The following KCNU1 variants were observed in gnomAD, a reference collection of about 807,000 sequenced individuals.
KCNU1 encodes the protein potassium calcium-activated channel subfamily U member 1.
Under a neutral mutation model 126.8 loss-of-function variants are expected in KCNU1, and 93 were observed. The ratio of observed to expected loss-of-function variants is 0.73; its 90% CI spans 0.62 to 0.87. The LOEUF (loss-of-function observed/expected upper bound fraction) is 0.87. KCNU1 is among the 40% of genes least tolerant of loss of function. The pLI is 0.00. For synonymous variants in KCNU1, 523 were observed against 494.2 expected, an observed-to-expected ratio of 1.06 and a Z score of -0.77; for missense variants, 1,330 against 1,367.1, an observed-to-expected ratio of 0.97 and a Z score of 0.43.
chr8:36,910,131 C>T (rs749714707), intron 21 of KCNU1, among the ~76,000 whole-genome samples: 4 of 152,108 alleles, frequency 2.6e-5, no homozygotes, highest in Non-Finnish European at 5.9e-5. Context: ...ATTATGTACA[C>T]TGTGAAATGC....
intron 19 of KCNU1, among the ~76,000 whole-genome samples, chr8:36,872,683 A>G (rs929963226): frequency 6.6e-6 from 1 of 152,224 alleles, no homozygotes; most frequent in Admixed American, 6.5e-5. Flanking sequence ...AAGAGTCAGG[A>G]GTTTCCCATA....
At chr8:36,803,415 C>A (rs1195773304) in intron 2 of KCNU1, among the ~76,000 whole-genome samples, 1 of 152,066 alleles carries the variant, frequency 6.6e-6, no homozygotes, top group Non-Finnish European at 1.5e-5. Flanking sequence ...CCAAACACCC[C>A]CAGGGCTTTT....
chr8:36,818,513 A>T (rs577905664), intron 10 of KCNU1, among the ~76,000 whole-genome samples: 1 of 152,054 alleles, frequency 6.6e-6, no homozygotes, highest in South Asian at 2.1e-4. Flanking sequence ...TTTTATTTTC[A>T]TACAGAAGTG....
Position 36,845,682 on chromosome 8 carries a change from T to G in KCNU1, c.1793+13T>G. On this transcript the variant is annotated intron_variant, in intron 17 of 26. Coordinates refer to ENST00000399881, the MANE Select transcript of KCNU1 (RefSeq NM_001031836.3). Reference sequence around the variant, plus strand: ...AGGACGTCAGAAGGTAATTTTATTATTTTATGGGGGAAAAGCACTAAAGCA... The same window carrying G: ...AGGACGTCAGAAGGTAATTTTATTAGTTTATGGGGGAAAAGCACTAAAGCA... 1 of 1,574,472 alleles carries G rather than the reference T, an allele frequency of 6.4e-7. No homozygotes were observed. Among genetic ancestry groups the G allele is most frequent in the Non-Finnish European group, 8.7e-7 (1 of 1,144,096 alleles).
chr8:36,908,358 T>C (rs1043447562), intron 20 of KCNU1, among the ~76,000 whole-genome samples: 1 of 152,158 alleles, frequency 6.6e-6, no homozygotes, highest in Admixed American at 6.5e-5. Flanking sequence ...CATATTCAAA[T>C]GTTTGAGATC....
At chr8:36,916,129 GGGAAGGGAAA>G (rs1164227317) in intron 22 of KCNU1, among the ~76,000 whole-genome samples, 10 of 147,864 alleles carry the variant, frequency 6.8e-5, no homozygotes, top group African/African-American at 2.5e-4. Context: ...AAAGGTGGGA[GGGAAGGGAAA>G]GGAAGGGAAA....
intron 10 of KCNU1, among the ~76,000 whole-genome samples, chr8:36,827,933 A>T (rs1242565133): frequency 6.6e-6 from 1 of 152,154 alleles, no homozygotes; most frequent in Non-Finnish European, 1.5e-5. Context: ...TTGTTGGAGT[A>T]CTTCGAGTAG....
intron 10 of KCNU1, 120 bp downstream of exon 10, chr8:36,817,880 C>T: frequency 1.8e-6 from 1 of 548,118 alleles, no homozygotes; most frequent in Admixed American, 3.2e-5. Flanking sequence ...TGATCATAAA[C>T]AAAACAAAAA....
intron 10 of KCNU1, among the ~76,000 whole-genome samples, chr8:36,819,724 C>T (rs1804052131): frequency 6.6e-6 from 1 of 152,128 alleles, no homozygotes; most frequent in Non-Finnish European, 1.5e-5. Flanking sequence ...CCTTCTATCT[C>T]ATTACTCTAT....
chr8:36,801,859 C>T (rs1015443402), intron 2 of KCNU1, among the ~76,000 whole-genome samples: 1 of 151,998 alleles, frequency 6.6e-6, no homozygotes, highest in Non-Finnish European at 1.5e-5. Context: ...CCTGTAATCC[C>T]AGCACTTGAG....
chr8:36,814,177 A>AT, intron 7 of KCNU1, 30 bp from the exon 8 acceptor site: 1 of 1,580,506 alleles, frequency 6.3e-7, no homozygotes, highest in Non-Finnish European at 8.7e-7. Flanking sequence ...TTCTATTCAG[A>AT]TGTTTCCTGA....
chr8:36,864,470 C>T lies in KCNU1; in HGVS notation c.1958C>T (p.Ser653Phe), dbSNP rs868217859. The T allele has an allele frequency of 2.9e-5, 46 of 1,613,264 alleles. No homozygotes were observed. In the Middle Eastern group the frequency reaches 5.0e-3, roughly 174 times the overall value. ...TCCTCTCGTATATCAGGGCAGGATT[C>T]TCCGCCAAGGGTATCTGCAAGCACT... ...GISSRISGQDSPPRVSASTSS... is the reference protein window; with the variant it reads ...GISSRISGQDFPPRVSASTSS... Residue 653 changes from serine to phenylalanine, a missense_variant, in exon 19 of 27, where the codon TCT becomes TTT. Coordinates refer to ENST00000399881, the MANE Select transcript of KCNU1 (RefSeq NM_001031836.3).
At chr8:36,863,921 A>G (rs1805811667) in intron 18 of KCNU1, among the ~76,000 whole-genome samples, 1 of 152,232 alleles carries the variant, frequency 6.6e-6, no homozygotes. Flanking sequence ...ATATGCATTT[A>G]CTGTAAGATC....
At chr8:36,791,564 C>A (rs537604549) in intron 2 of KCNU1, among the ~76,000 whole-genome samples, 1 of 152,198 alleles carries the variant, frequency 6.6e-6, no homozygotes, top group Admixed American at 6.5e-5. Context: ...GTGTAATCCT[C>A]TCTGTAGATA....
At chr8:36,846,225 T>C (rs1244112319) in intron 18 of KCNU1, among the ~76,000 whole-genome samples, 2 of 152,248 alleles carry the variant, frequency 1.3e-5, no homozygotes, top group Admixed American at 6.5e-5. Flanking sequence ...TGCTTTTTCA[T>C]GATTTCACAG....
chr8:36,885,520 C>CTCCA (rs1806662718), intron 19 of KCNU1, among the ~76,000 whole-genome samples: 1 of 152,100 alleles, frequency 6.6e-6, no homozygotes, highest in Non-Finnish European at 1.5e-5. Flanking sequence ...CACCACTGCA[C>CTCCA]TCCAGCCTGG....
intron 19 of KCNU1, among the ~76,000 whole-genome samples, chr8:36,885,048 A>T (rs1169870881): frequency 6.6e-6 from 1 of 152,196 alleles, no homozygotes; most frequent in East Asian, 1.9e-4. Context: ...GGAAGCACTG[A>T]AGCTGTAAAC....
chr8:36,853,512 A>T (rs767321896), intron 18 of KCNU1, among the ~76,000 whole-genome samples: 6 of 151,876 alleles, frequency 4.0e-5, no homozygotes, highest in Non-Finnish European at 8.8e-5. Context: ...TATGTTTTTG[A>T]CCCATTGTTA....
At position 36,867,946 on chromosome 8, in the gene KCNU1, A is replaced by G. The variant is rs556662440; in HGVS notation, c.2009+3425A>G. 3.9e-5 allele frequency among the ~76,000 whole-genome samples: 6 copies of G among 152,274 alleles called. No individual in the cohort carries two copies. The South Asian group carries it at 1.2e-3, about 32-fold the overall frequency. ...GACCCCAAGTAGACCAGAGATTGTG[A>G]TAGTAACCCATGAAGATGATTGCTA... On this transcript the variant is annotated intron_variant, in intron 19 of 26. Coordinates refer to ENST00000399881, the MANE Select transcript of KCNU1 (RefSeq NM_001031836.3).
Sources: allele counts gnomAD v4.1 joint callset (sites outside exome capture counted in the v4.1 genomes callset), GRCh38; gene constraint gnomAD v4.1.1; transcripts MANE v1.5; gene names NCBI Gene and HGNC (gene_info 2026-07-23, HGNC 2026-07-21).